Variants in PRKN observed in about 807,000 individuals in gnomAD.
The protein encoded by PRKN is E3 ubiquitin-protein ligase parkin.
Under a neutral mutation model 59.5 loss-of-function variants are expected in PRKN, and 56 were observed. The ratio of observed to expected loss-of-function variants is 0.94; its 90% confidence interval spans 0.76 to 1.18. PRKN has a LOEUF of 1.18. PRKN is among the 50% of genes most tolerant of loss of function. The pLI is 0.00. For synonymous variants in PRKN, 250 were observed against 222.1 expected, an observed-to-expected ratio of 1.13 and a Z score of -1.12; for missense variants, 657 against 596.4, an observed-to-expected ratio of 1.10 and a Z score of -1.06.
intron 7 of PRKN, among the ~76,000 whole-genome samples, chr6:161,698,259 G>A (rs1786106384): frequency 6.6e-6 from 1 of 152,094 alleles, no homozygotes; most frequent in South Asian, 2.1e-4. Flanking sequence ...GAAGGATATA[G>A]TAGGATAATG....
chr6:161,690,579 A>C (rs1012512781), intron 7 of PRKN, among the ~76,000 whole-genome samples: 4 of 152,180 alleles, frequency 2.6e-5, no homozygotes, highest in African/African-American at 9.7e-5. Flanking sequence ...TGTGTCCGTG[A>C]GGGTGTTTCT....
At chr6:162,037,709 G>A (rs947825455) in intron 5 of PRKN, among the ~76,000 whole-genome samples, 2 of 151,936 alleles carry the variant, frequency 1.3e-5, no homozygotes, top group Non-Finnish European at 1.5e-5. Flanking sequence ...ACCACACCCA[G>A]CTAGCTTTTG....
At chr6:162,533,262 G>A (rs944692271) in intron 1 of PRKN, among the ~76,000 whole-genome samples, 6 of 152,186 alleles carry the variant, frequency 3.9e-5, no homozygotes, top group Non-Finnish European at 5.9e-5. Context: ...GGTGGCTCAC[G>A]CCTATAATCC....
intron 7 of PRKN, among the ~76,000 whole-genome samples, chr6:161,589,738 A>C (rs1200283973): frequency 1.3e-5 from 2 of 151,574 alleles, no homozygotes; most frequent in Non-Finnish European, 2.9e-5. Context: ...TTTTTTGTTG[A>C]ATTTCCTTTA....
intron 7 of PRKN, among the ~76,000 whole-genome samples, chr6:161,741,732 C>T (rs983587963): frequency 2.6e-5 from 4 of 152,036 alleles, no homozygotes; most frequent in Admixed American, 6.6e-5. Flanking sequence ...TCGGGAAGGA[C>T]GTTACTTACA....
intron 4 of PRKN, among the ~76,000 whole-genome samples, chr6:162,183,054 T>C (rs970524079): frequency 5.9e-5 from 9 of 152,196 alleles, no homozygotes; most frequent in South Asian, 2.1e-4. Flanking sequence ...ACTTGGTTAA[T>C]GTATATTTGC....
chr6:162,096,848 A>ATTTTTTTTTTTTTTTT (rs71004079), intron 4 of PRKN, among the ~76,000 whole-genome samples: 1 of 49,180 alleles, frequency 2.0e-5, no homozygotes, highest in African/African-American at 8.9e-5. Flanking sequence ...TACAGCTGGA[A>ATTTTTTTTTTTTTTTT]TTTTTTTTTT....
At chr6:161,774,492 G>C (rs914468062) in intron 7 of PRKN, among the ~76,000 whole-genome samples, 19 of 151,966 alleles carry the variant, frequency 1.3e-4, no homozygotes, top group African/African-American at 4.4e-4. Flanking sequence ...GGAAATAAGT[G>C]ACATGCTCCA....
chr6:162,635,706 A>T (rs771106490), intron 1 of PRKN, among the ~76,000 whole-genome samples: 1 of 152,150 alleles, frequency 6.6e-6, no homozygotes, highest in Non-Finnish European at 1.5e-5. Context: ...TCTCAGTGGT[A>T]ATCATATAAA....
At chr6:162,156,672 C>T (rs150228034) in intron 4 of PRKN, among the ~76,000 whole-genome samples, 9 of 152,270 alleles carry the variant, frequency 5.9e-5, no homozygotes, top group African/African-American at 2.2e-4. Flanking sequence ...GTGAGTCTAC[C>T]TCTCCTAGTC....
chr6:161,692,110 G>A (rs144015781), intron 7 of PRKN, among the ~76,000 whole-genome samples: 26 of 152,268 alleles, frequency 1.7e-4, no homozygotes, highest in African/African-American at 5.5e-4. Flanking sequence ...AGATGCAGGC[G>A]AAACTTGAAT....
chr6:162,138,902 T>G (rs1205855649), intron 4 of PRKN, among the ~76,000 whole-genome samples: 1 of 151,864 alleles, frequency 6.6e-6, no homozygotes, highest in Non-Finnish European at 1.5e-5. Flanking sequence ...TACCAAGTGG[T>G]CCAACACAGG....
chr6:162,269,560 A>C (rs537714433), intron 2 of PRKN: 1 of 152,344 alleles, frequency 6.6e-6, no homozygotes, highest in Admixed American at 6.5e-5. Context: ...GTGCCCAGCC[A>C]GTGTGCTTTT....
intron 4 of PRKN, among the ~76,000 whole-genome samples, chr6:162,124,229 AGGGCTGGTG>A (rs1781032426): frequency 1.3e-5 from 2 of 152,122 alleles, no homozygotes; most frequent in African/African-American, 4.8e-5. Context: ...CACCAACACC[AGGGCTGGTG>A]GGAGCTTCTT....
rs1230808939 is a variant in PRKN, at chr6:161,533,121, G to T, written c.1083+15733C>A. Among the ~76,000 whole-genome samples the T allele has an allele frequency of 6.6e-6, 1 of 151,904 alleles. No homozygotes were observed. Among genetic ancestry groups the T allele is most frequent in the Admixed American group, 6.5e-5 (1 of 15,274 alleles). ...TAAACATTATACAGAGAGTGGTTAT[G>T]AATTCAATTTCTAAATAATCTCTAA... On this transcript the variant is annotated intron_variant, in intron 9 of 11. Transcript: ENST00000366898. The surrounding 1 kb of genome is among the most constrained non-coding windows in gnomAD (Gnocchi z 4.1).
intron 5 of PRKN, among the ~76,000 whole-genome samples, chr6:162,046,135 T>C (rs930699829): frequency 3.3e-5 from 5 of 152,240 alleles, no homozygotes; most frequent in African/African-American, 9.6e-5. Context: ...GATAAAGTGC[T>C]TTGTTGTTTC....
At chr6:162,413,108 A>C (rs1275956003) in intron 2 of PRKN, among the ~76,000 whole-genome samples, 1 of 152,202 alleles carries the variant, frequency 6.6e-6, no homozygotes, top group Non-Finnish European at 1.5e-5. Flanking sequence ...TCTTCTGTGC[A>C]GTAATAGGTA....
chr6:162,117,525 G>A (rs1372847229), intron 4 of PRKN, among the ~76,000 whole-genome samples: 3 of 152,200 alleles, frequency 2.0e-5, no homozygotes, highest in Admixed American at 6.5e-5. Flanking sequence ...AAATTGGGGG[G>A]AAGGTACAGA....
At chr6:161,707,523 T>A (rs1786553871) in intron 7 of PRKN, among the ~76,000 whole-genome samples, 1 of 152,200 alleles carries the variant, frequency 6.6e-6, no homozygotes, top group Non-Finnish European at 1.5e-5. Context: ...ATCAAAGTGT[T>A]ATTTTTACAT....
Sources: allele counts gnomAD v4.1 joint callset (sites outside exome capture counted in the v4.1 genomes callset), GRCh38; gene constraint gnomAD v4.1.1; non-coding constraint Gnocchi (gnomAD v3.1); transcripts MANE v1.5; gene names NCBI Gene and HGNC (gene_info 2026-07-23, HGNC 2026-07-21).